The following STX18 variants were observed in gnomAD, a reference collection of about 807,000 sequenced individuals.
STX18 encodes syntaxin-18.
STX18 carries 40 observed loss-of-function variants against 50.1 expected under a neutral mutation model. The ratio of observed to expected loss-of-function variants is 0.80; its 90% CI spans 0.62 to 1.04. STX18 has a LOEUF of 1.04. Ranked by LOEUF, STX18 falls within the 50% of genes least tolerant of loss-of-function variation. STX18 has a pLI of 0.00. For synonymous variants in STX18, 158 were observed against 151.8 expected, an observed-to-expected ratio of 1.04 and a Z score of -0.30; for missense variants, 410 against 415.8, an observed-to-expected ratio of 0.99 and a Z score of 0.12.
intron 1 of STX18, among the ~76,000 whole-genome samples, chr4:4,509,370 G>A (rs754391136): frequency 2.6e-4 from 40 of 151,976 alleles, no homozygotes; most frequent in Non-Finnish European, 4.7e-4. Flanking sequence ...CTTTTGAGAA[G>A]TGTCTGTTCA....
At chr4:4,424,137 G>A (rs1042847658) in intron 8 of STX18, among the ~76,000 whole-genome samples, 5 of 152,146 alleles carry the variant, frequency 3.3e-5, no homozygotes, top group African/African-American at 1.2e-4. Context: ...GTTTGGCAAC[G>A]GAGTGTTCTG....
intron 2 of STX18, among the ~76,000 whole-genome samples, chr4:4,462,727 G>C (rs1486088537): frequency 6.6e-6 from 1 of 152,066 alleles, no homozygotes; most frequent in Non-Finnish European, 1.5e-5. Context: ...TCTAGAATGA[G>C]GCGATGTACC....
intron 5 of STX18, among the ~76,000 whole-genome samples, chr4:4,452,589 C>T (rs749990488): frequency 3.9e-5 from 6 of 152,160 alleles, no homozygotes; most frequent in Admixed American, 1.3e-4. Flanking sequence ...CCCAGCTACT[C>T]GAGAGGCTAA....
chr4:4,499,489 T>C (rs1729337157), intron 1 of STX18: 1 of 985,300 alleles, frequency 1.0e-6, no homozygotes, highest in Admixed American at 6.1e-5. Context: ...TATGCACAGA[T>C]GCTTGCCCAC....
chr4:4,517,540 A>T (rs1184560867), intron 1 of STX18, among the ~76,000 whole-genome samples: 1 of 152,222 alleles, frequency 6.6e-6, no homozygotes, highest in Non-Finnish European at 1.5e-5. Flanking sequence ...AAAGATTTAC[A>T]ACCATGTTCA....
At chr4:4,507,403 C>G (rs1213958243) in intron 1 of STX18, 2 of 757,618 alleles carry the variant, frequency 2.6e-6, no homozygotes, top group African/African-American at 1.7e-5. Flanking sequence ...TCCCGTTCCT[C>G]CACTGAAATC....
intron 1 of STX18, among the ~76,000 whole-genome samples, chr4:4,498,361 A>G (rs1729281847): frequency 6.6e-6 from 1 of 152,194 alleles, no homozygotes; most frequent in Non-Finnish European, 1.5e-5. Context: ...AAATAATATT[A>G]CTGCCAATAT....
chr4:4,502,608 T>C (rs1459593225), intron 1 of STX18, among the ~76,000 whole-genome samples: 1 of 152,184 alleles, frequency 6.6e-6, no homozygotes, highest in Non-Finnish European at 1.5e-5. Context: ...CTGGATGCCT[T>C]GAGTTGAGGA....
At chr4:4,452,290 A>T (rs531555408) in intron 5 of STX18, among the ~76,000 whole-genome samples, 99 of 152,392 alleles carry the variant, frequency 6.5e-4, no homozygotes, top group African/African-American at 2.3e-3. Flanking sequence ...AAGTGCTGAC[A>T]CAGAAGCCGC....
At chr4:4,433,834 T>C (rs1725643902) in intron 7 of STX18, among the ~76,000 whole-genome samples, 1 of 152,184 alleles carries the variant, frequency 6.6e-6, no homozygotes, top group African/African-American at 2.4e-5. Context: ...CTGGATCCCA[T>C]TCTTCCTCAA....
At chr4:4,486,122 AC>A (rs1387756157) in intron 1 of STX18, among the ~76,000 whole-genome samples, 1 of 152,096 alleles carries the variant, frequency 6.6e-6, no homozygotes, top group Non-Finnish European at 1.5e-5. Context: ...CATGGAAAGA[AC>A]CCCCAAATGC....
intron 1 of STX18, among the ~76,000 whole-genome samples, chr4:4,491,605 T>C (rs973503626): frequency 6.6e-6 from 1 of 152,118 alleles, no homozygotes; most frequent in African/African-American, 2.4e-5. Flanking sequence ...GGAAACGATT[T>C]ATGCTGCCTT....
At chr4:4,493,149 T>A (rs1194420433) in intron 1 of STX18, among the ~76,000 whole-genome samples, 1 of 152,238 alleles carries the variant, frequency 6.6e-6, no homozygotes, top group Non-Finnish European at 1.5e-5. Context: ...ATTTCTGCTT[T>A]CAGACAATCA....
chr4:4,518,810 C>A (rs1274964146), intron 1 of STX18, among the ~76,000 whole-genome samples: 1 of 152,196 alleles, frequency 6.6e-6, no homozygotes, highest in Non-Finnish European at 1.5e-5. Flanking sequence ...TTTACTTATA[C>A]ACACGTGCAC....
At chr4:4,507,557 G>A (rs1422686597) in intron 1 of STX18, 1 of 767,398 alleles carries the variant, frequency 1.3e-6, no homozygotes, top group Non-Finnish European at 2.4e-6. Context: ...CGTCCCAGGA[G>A]TGCACTCTGA....
intron 5 of STX18, among the ~76,000 whole-genome samples, chr4:4,441,345 A>G (rs992604705): frequency 9.9e-5 from 15 of 152,234 alleles, no homozygotes; most frequent in African/African-American, 3.6e-4. Context: ...TTTGGAAAAT[A>G]TAATCTGCTA....
At chr4:4,471,754 C>A in intron 1 of STX18, 48 bp from the exon 2 acceptor site, 1 of 1,296,162 alleles carries the variant, frequency 7.7e-7, no homozygotes, top group Non-Finnish European at 1.1e-6. Flanking sequence ...ATGTTACACT[C>A]ATGTAATGAA....
chr4:4,502,535 A>G (rs1459880336), intron 1 of STX18, among the ~76,000 whole-genome samples: 1 of 152,326 alleles, frequency 6.6e-6, no homozygotes, highest in Middle Eastern at 3.4e-3. Context: ...TTTGGAGTCA[A>G]ATTTTACATA....
In STX18 at chr4:4,419,966, A is replaced by G; in HGVS notation, c.*68T>C. Reference sequence around the variant, plus strand: ...TGGTCATACCATGCTCCAGCACTGGAAGTACATGAAAGCACGCAGTCTGTG... The same window carrying G: ...TGGTCATACCATGCTCCAGCACTGGGAGTACATGAAAGCACGCAGTCTGTG... On this transcript the variant is annotated 3_prime_UTR_variant, in exon 11 of 11. Transcript: ENST00000306200. 1 of 1,308,230 alleles carries G rather than the reference A, an allele frequency of 7.6e-7. No homozygotes were observed. The highest frequency in any genetic ancestry group is 1.1e-6 in the Non-Finnish European group (1 of 926,220). The allele number at this position is 1,308,230 out of a possible 1,614,324, so 81.0% of individuals were successfully genotyped here. A position where few individuals can be genotyped will look rare whatever the true frequency, so the allele number is the denominator to read the frequency against.
Sources: gnomAD v4.1 joint callset for allele counts (sites outside exome capture counted in the v4.1 genomes callset) on GRCh38, gnomAD v4.1.1 for gene constraint, MANE v1.5 for transcripts, NCBI Gene and HGNC (gene_info 2026-07-23, HGNC 2026-07-21) for gene names.